POLR2J: variants seen among roughly 807,000 people sequenced by gnomAD.
The protein encoded by POLR2J is DNA-directed RNA polymerase II subunit RPB11-a.
POLR2J carries 12 observed loss-of-function variants against 13.4 expected under a neutral mutation model. The observed-to-expected ratio is 0.90, with a 90% CI of 0.57 to 1.45. The LOEUF is 1.45. Among genes scored for constraint, POLR2J ranks in the 40% most tolerant of loss-of-function variants. POLR2J has a pLI of 0.00. For synonymous variants in POLR2J, 31 were observed against 53.6 expected, an observed-to-expected ratio of 0.58 and a Z score of 1.84; for missense variants, 58 against 132.0, an observed-to-expected ratio of 0.44 and a Z score of 2.75.
At chr7:102,473,747 C>G in intron 3 of POLR2J, 63 bp from the exon 4 acceptor site, 1 of 1,605,844 alleles carries the variant, frequency 6.2e-7, no homozygotes, top group Non-Finnish European at 8.5e-7. Flanking sequence ...GCTGGAAACA[C>G]ATGCCCAGCA....
rs1586748810 is a variant in POLR2J at position 102,474,129 on chromosome 7, G to A, written c.318+232C>T. 2.0e-5 allele frequency: 30 copies of A among 1,502,214 alleles called. No individual in the cohort carries two copies. The Admixed American group carries it at 2.2e-4, about 11-fold the overall frequency. 93.1% of individuals were successfully genotyped at this position (1,502,214 alleles called of 1,614,324 possible). ...CGCCCCGATCTGGCCCACAGCACCC[G>A]AGGGACCCTGCAGCACTACAGAAGT... On this transcript the variant is annotated intron_variant, in intron 3 of 3. Coordinates refer to ENST00000292614, the MANE Select transcript of POLR2J (RefSeq NM_006234.6).
intron 2 of POLR2J, among the ~76,000 whole-genome samples, chr7:102,475,662 G>A (rs1296454468): frequency 1.3e-5 from 2 of 152,248 alleles, no homozygotes; most frequent in Non-Finnish European, 2.9e-5. Flanking sequence ...AGTAGCTCAC[G>A]TCTCTAATCC....
intron 2 of POLR2J, among the ~76,000 whole-genome samples, chr7:102,475,619 T>G (rs1410318603): frequency 6.6e-6 from 1 of 152,256 alleles, no homozygotes; most frequent in Non-Finnish European, 1.5e-5. Context: ...ATTTACAGAA[T>G]GTGCACTTAA....
intron 3 of POLR2J, 135 bp from the exon 4 acceptor site, chr7:102,473,819 C>A (rs530816418): frequency 2.0e-6 from 3 of 1,480,100 alleles, no homozygotes; most frequent in African/African-American, 1.4e-5. Flanking sequence ...GACAGTGGAG[C>A]AGCCAAAGGG....
intron 3 of POLR2J, 49 bp downstream of exon 3, chr7:102,474,312 G>A (rs774672305): frequency 1.9e-5 from 31 of 1,611,510 alleles, no homozygotes; most frequent in Middle Eastern, 2.2e-4. Flanking sequence ...CTGGGCACAC[G>A]GGCCAGTGTC....
intron 3 of POLR2J, chr7:102,474,063 C>A: frequency 3.6e-6 from 5 of 1,405,254 alleles, no homozygotes; most frequent in Non-Finnish European, 4.7e-6. Context: ...CAATCACCAA[C>A]AAGGGACGTA....
Position 102,473,606 on chromosome 7 carries a change from G to GT in POLR2J, c.*42dup. The GT allele has an allele frequency of 6.2e-7, 1 of 1,612,162 alleles. No homozygotes were observed. Among genetic ancestry groups the GT allele is most frequent in the Non-Finnish European group, 8.5e-7 (1 of 1,179,282 alleles). On this transcript the variant is annotated 3_prime_UTR_variant, in exon 4 of 4. Transcript: ENST00000292614. ...ACCTGGAGCGGAGGGTCAGGCACAGGTAGGAACGGGGCTCACAGGCCGAGC... is the reference window on the plus strand; with the variant it reads ...ACCTGGAGCGGAGGGTCAGGCACAGGTTAGGAACGGGGCTCACAGGCCGAGC...
chr7:102,476,080 C>G lies in POLR2J; in HGVS notation c.143+101G>C, dbSNP rs540656279. 116 of 610,008 alleles carry G rather than the reference C, an allele frequency of 1.9e-4. 4 individuals carry two copies. The African/African-American group carries it at 2.1e-3, about 11-fold the overall frequency. 37.8% of individuals were successfully genotyped at this position (610,008 alleles called of 1,614,324 possible). A position where few individuals can be genotyped will look rare whatever the true frequency, so the allele number is the denominator to read the frequency against. The stretch of plus-strand genomic sequence containing the variant: ...TGCCCAGAGCAAGCCCCCAGAAGGA[C>G]TTCCTGTAGCTCAGAGAGACTGAGG... On this transcript the variant is annotated intron_variant, in intron 2 of 3. Coordinates refer to ENST00000292614, the MANE Select transcript of POLR2J (RefSeq NM_006234.6).
chr7:102,473,172 T>G lies in POLR2J; in HGVS notation c.*477A>C, dbSNP rs923203232. 3.5e-6 allele frequency: 4 copies of G among 1,151,612 alleles called. No individual in the cohort carries two copies. Among genetic ancestry groups the G allele is most frequent in the Non-Finnish European group, 4.8e-6 (4 of 827,390 alleles). 71.3% of individuals were successfully genotyped at this position (1,151,612 alleles called of 1,614,324 possible). On this transcript the variant is annotated 3_prime_UTR_variant, in exon 4 of 4. Coordinates refer to ENST00000292614, the MANE Select transcript of POLR2J (RefSeq NM_006234.6). ...TAAACTCTACTGTGGACAAGAAGCC[T>G]GTGGAAAGGTGTTTCGAGTTATGCA...
rs554777490 is a variant in POLR2J at position 102,473,451 on chromosome 7, T to G, written c.*198A>C. On this transcript the variant is annotated 3_prime_UTR_variant, in exon 4 of 4. Coordinates refer to ENST00000292614, the MANE Select transcript of POLR2J (RefSeq NM_006234.6). ...GAAGTCACCGCTGCTCAAGTCCACA[T>G]CCAGGTCTCTCCCGCTATACTTTAT... The G allele has an allele frequency of 3.2e-5, 22 of 685,056 alleles. No homozygotes were observed. The African/African-American group carries it at 3.7e-4, about 12-fold the overall frequency. 42.4% of individuals were successfully genotyped at this position (685,056 alleles called of 1,614,324 possible). A position where few individuals can be genotyped will look rare whatever the true frequency, so the allele number is the denominator to read the frequency against.
Position 102,473,704 on chromosome 7 carries a change from T to C in POLR2J, c.319-20A>G. The C allele has an allele frequency of 6.2e-7, 1 of 1,613,522 alleles. No individual in the cohort carries two copies. The highest frequency in any genetic ancestry group is 8.5e-7 in the Non-Finnish European group (1 of 1,179,750). ...GGCCACCTGGGAGAGAAGAAGGTGG[T>C]GGAGACTGAGCTGGAACAGCTGGGG... On this transcript the variant is annotated intron_variant, in intron 3 of 3. Transcript: ENST00000292614.
Position 102,473,270 on chromosome 7 carries a change from G to T in POLR2J, c.*379C>A. On this transcript the variant is annotated 3_prime_UTR_variant, in exon 4 of 4. Coordinates refer to ENST00000292614, the MANE Select transcript of POLR2J (RefSeq NM_006234.6). Reference sequence around the variant, plus strand: ...GCTTCTAGAGCAGAGACTCTTGGGAGCTCATGGGTTTGCACACTTCTCTCC... The same window carrying T: ...GCTTCTAGAGCAGAGACTCTTGGGATCTCATGGGTTTGCACACTTCTCTCC... The T allele has an allele frequency of 1.6e-6, 1 of 626,602 alleles. No individual in the cohort carries two copies. Among genetic ancestry groups the T allele is most frequent in the Non-Finnish European group, 2.7e-6 (1 of 371,564 alleles). The allele number at this position is 626,602 out of a possible 1,614,324, so 38.8% of individuals were successfully genotyped here.
chr7:102,473,133 G>C lies in POLR2J; in HGVS notation c.*516C>G. 1 of 1,432,842 alleles carries C rather than the reference G, an allele frequency of 7.0e-7. No homozygotes were observed. Among genetic ancestry groups the C allele is most frequent in the East Asian group, 2.3e-5 (1 of 43,000 alleles). 88.8% of individuals were successfully genotyped at this position (1,432,842 alleles called of 1,614,324 possible). ...GATGGGGGTGGGGGGGGGTCTTTCA[G>C]TGAATATTTTTATTAAACTCTACTG... On this transcript the variant is annotated 3_prime_UTR_variant, in exon 4 of 4. Transcript: ENST00000292614.
chr7:102,478,866 C>A lies in POLR2J; in HGVS notation c.-6G>T. 1 of 1,610,644 alleles carries A rather than the reference C, an allele frequency of 6.2e-7. No individual in the cohort carries two copies. Among genetic ancestry groups the A allele is most frequent in the Non-Finnish European group, 8.5e-7 (1 of 1,179,692 alleles). On this transcript the variant is annotated 5_prime_UTR_variant, in exon 1 of 4. Coordinates refer to ENST00000292614, the MANE Select transcript of POLR2J (RefSeq NM_006234.6). ...AAGGCTGGAGGGGCGTTCATGCTCC[C>A]GCCGCCGTTGCGTCCAGACCCCAAG... is the stretch of plus-strand genomic sequence containing the variant.
At chr7:102,478,474 G>A (rs1006364941) in intron 1 of POLR2J, among the ~76,000 whole-genome samples, 1 of 151,782 alleles carries the variant, frequency 6.6e-6, no homozygotes, top group East Asian at 1.9e-4. Context: ...GGGGATGAAG[G>A]ATGGAGGTGG....
Position 102,473,239 on chromosome 7 carries a change from G to C in POLR2J, c.*410C>G. Reference sequence around the variant, plus strand: ...CTTTGACTGACAGGCAGGCCCAGGAGTTGAGGCTTCTAGAGCAGAGACTCT... The same window carrying C: ...CTTTGACTGACAGGCAGGCCCAGGACTTGAGGCTTCTAGAGCAGAGACTCT... On this transcript the variant is annotated 3_prime_UTR_variant, in exon 4 of 4. Transcript: ENST00000292614. 1.4e-6 allele frequency: 1 copy of C among 708,020 alleles called. No individual in the cohort carries two copies. Among genetic ancestry groups the C allele is most frequent in the Non-Finnish European group, 2.3e-6 (1 of 440,832 alleles). The allele number at this position is 708,020 out of a possible 1,614,324, so 43.9% of individuals were successfully genotyped here.
chr7:102,473,936 A>C, intron 3 of POLR2J: 1 of 1,433,582 alleles, frequency 7.0e-7, no homozygotes, highest in Non-Finnish European at 9.1e-7. Flanking sequence ...GAAATCCCCC[A>C]AGCTGTGGCT....
chr7:102,478,713 T>G (rs1307018502), intron 1 of POLR2J, 95 bp downstream of exon 1: 1 of 1,560,042 alleles, frequency 6.4e-7, no homozygotes, highest in Non-Finnish European at 8.7e-7. Flanking sequence ...GCAAAAGCTG[T>G]TTCCCTCCCG....
chr7:102,476,114 G>A (rs1586751219), intron 2 of POLR2J, 67 bp downstream of exon 2: 1 of 749,698 alleles, frequency 1.3e-6, no homozygotes. Flanking sequence ...GGAAGACTTG[G>A]AACTTGTGCT....
Sources: gnomAD v4.1 joint callset for allele counts (sites outside exome capture counted in the v4.1 genomes callset) on GRCh38, gnomAD v4.1.1 for gene constraint, MANE v1.5 for transcripts, NCBI Gene and HGNC (gene_info 2026-07-23, HGNC 2026-07-21) for gene names.